The following TBC1D19 variants were observed in gnomAD, a reference collection of about 807,000 sequenced individuals.
TBC1D19 encodes the protein TBC1 domain family, member 19.
A neutral mutation model predicts 89.0 loss-of-function variants in TBC1D19; 60 were observed. That is an observed-to-expected ratio of 0.67 (90% confidence interval 0.55 to 0.84). The LOEUF (loss-of-function observed/expected upper bound fraction) is 0.84, where lower values mean the gene tolerates loss of function less well. TBC1D19 is among the 40% of genes least tolerant of loss of function. The pLI is 0.00. For synonymous variants in TBC1D19, 189 were observed against 199.7 expected (o/e 0.95, Z 0.45); for missense variants, 500 against 610.8 (o/e 0.82, Z 1.91).
At chr4:26,620,523 G>A in intron 3 of TBC1D19, 90 bp from the exon 4 acceptor site, 3 of 1,053,256 alleles carry the variant, frequency 2.8e-6, no homozygotes, top group Non-Finnish European at 4.2e-6. Flanking sequence ...ATGTTACTGG[G>A]AAAACAGTTT....
the TBC1D19 span, among the ~76,000 whole-genome samples, chr4:26,797,573 G>T: frequency 2.0e-5 from 3 of 152,126 alleles, no homozygotes; most frequent in African/African-American, 7.2e-5. Flanking sequence ...CCAAAAAAGA[G>T]CCCGAATAGC....
At chr4:26,745,735 C>A (rs1436674247) in intron 18 of TBC1D19, among the ~76,000 whole-genome samples, 3 of 151,858 alleles carry the variant, frequency 2.0e-5, no homozygotes, top group Non-Finnish European at 4.4e-5. Flanking sequence ...TGGTCTCGGA[C>A]TCCTGACCTC....
At chr4:26,838,119 C>T in the TBC1D19 span, among the ~76,000 whole-genome samples, 27 of 152,172 alleles carry the variant, frequency 1.8e-4, no homozygotes, top group Non-Finnish European at 2.9e-5. Context: ...TCTCTTGGCC[C>T]CTTTCCCATC....
the TBC1D19 span, among the ~76,000 whole-genome samples, chr4:26,797,440 A>G: frequency 6.6e-6 from 1 of 152,222 alleles, no homozygotes; most frequent in African/African-American, 2.4e-5. Flanking sequence ...GATTGGAATA[A>G]TTTATATCAT....
At chr4:26,609,569 C>A (rs944117347) in intron 1 of TBC1D19, among the ~76,000 whole-genome samples, 1 of 152,006 alleles carries the variant, frequency 6.6e-6, no homozygotes, top group African/African-American at 2.4e-5. Context: ...ATATAGTTCA[C>A]TGTGGCTAGG....
chr4:26,632,664 A>T (rs904885291), intron 4 of TBC1D19, among the ~76,000 whole-genome samples: 3 of 152,032 alleles, frequency 2.0e-5, no homozygotes, highest in Non-Finnish European at 4.4e-5. Flanking sequence ...TGTAACTCCC[A>T]CCTGACATTT....
chr4:26,710,556 A>G (rs1716106983), intron 13 of TBC1D19, among the ~76,000 whole-genome samples: 1 of 152,050 alleles, frequency 6.6e-6, no homozygotes, highest in South Asian at 2.1e-4. Flanking sequence ...CAGTAATGGG[A>G]TGGCTGGGTC....
At chr4:26,643,386 A>C (rs534965766) in intron 7 of TBC1D19, among the ~76,000 whole-genome samples, 4 of 152,250 alleles carry the variant, frequency 2.6e-5, no homozygotes, top group Non-Finnish European at 1.5e-5. Flanking sequence ...CAATGAGAAC[A>C]AAGAGAAACA....
chr4:26,603,067 A>T (rs1740739000), intron 1 of TBC1D19, among the ~76,000 whole-genome samples: 1 of 152,280 alleles, frequency 6.6e-6, no homozygotes, highest in Admixed American at 6.5e-5. Context: ...GGTCATTGGG[A>T]TGTATTTTCT....
chr4:26,601,146 C>T (rs1286821975), intron 1 of TBC1D19, among the ~76,000 whole-genome samples: 19 of 147,304 alleles, frequency 1.3e-4, no homozygotes. Flanking sequence ...TATATATATA[C>T]ATATATACAT....
chr4:26,799,689 G>A, the TBC1D19 span, among the ~76,000 whole-genome samples: 1 of 152,172 alleles, frequency 6.6e-6, no homozygotes, highest in Non-Finnish European at 1.5e-5. Flanking sequence ...GGACACAGAA[G>A]GTGTCATCTA....
intron 4 of TBC1D19, among the ~76,000 whole-genome samples, chr4:26,634,793 T>G (rs539407752): frequency 2.6e-5 from 4 of 152,154 alleles, no homozygotes; most frequent in Non-Finnish European, 5.9e-5. Context: ...TCAATATGTC[T>G]AGGCTATATG....
chr4:26,592,010 C>T (rs1450199637), intron 1 of TBC1D19, among the ~76,000 whole-genome samples: 13 of 152,114 alleles, frequency 8.5e-5, no homozygotes, highest in Non-Finnish European at 1.9e-4. Flanking sequence ...CATCCTGATA[C>T]CAAAGCCTGG....
chr4:26,787,818 G>C, the TBC1D19 span, among the ~76,000 whole-genome samples: 1 of 152,138 alleles, frequency 6.6e-6, no homozygotes, highest in Non-Finnish European at 1.5e-5. Flanking sequence ...GAAGCTCCTG[G>C]CTTCTTACAG....
At chr4:26,833,812 T>C in the TBC1D19 span, among the ~76,000 whole-genome samples, 1 of 152,226 alleles carries the variant, frequency 6.6e-6, no homozygotes, top group Non-Finnish European at 1.5e-5. Flanking sequence ...TGCCTTGTGC[T>C]AGGAATTATA....
chr4:26,597,283 T>A (rs900464321), intron 1 of TBC1D19, among the ~76,000 whole-genome samples: 1 of 152,232 alleles, frequency 6.6e-6, no homozygotes, highest in Non-Finnish European at 1.5e-5. Flanking sequence ...TATGATATTT[T>A]CCTGTTGGTT....
At chr4:26,705,138 T>C (rs989346847) in intron 13 of TBC1D19, among the ~76,000 whole-genome samples, 11 of 152,076 alleles carry the variant, frequency 7.2e-5, no homozygotes, top group African/African-American at 2.4e-4. Context: ...TTGTTGTTGT[T>C]GTTATTGTTG....
At chr4:26,793,267 C>T in the TBC1D19 span, among the ~76,000 whole-genome samples, 1 of 152,138 alleles carries the variant, frequency 6.6e-6, no homozygotes, top group African/African-American at 2.4e-5. Context: ...AAAATGGCAC[C>T]AGGTGGTCTG....
intron 13 of TBC1D19, among the ~76,000 whole-genome samples, chr4:26,695,078 G>C (rs1243347033): frequency 6.6e-6 from 1 of 151,872 alleles, no homozygotes; most frequent in Non-Finnish European, 1.5e-5. Flanking sequence ...GAAGGCTTCA[G>C]ATGACCAAAC....
Sources: gnomAD v4.1 joint callset for allele counts (sites outside exome capture counted in the v4.1 genomes callset) on GRCh38, gnomAD v4.1.1 for gene constraint, MANE v1.5 for transcripts, NCBI Gene and HGNC (gene_info 2026-07-23, HGNC 2026-07-21) for gene names.